Variants in SYT14 observed in about 807,000 individuals in gnomAD.
SYT14 encodes synaptotagmin-14.
Under a neutral mutation model 74.2 loss-of-function variants are expected in SYT14, and 32 were observed. The observed-to-expected ratio is 0.43, with a 90% CI of 0.33 to 0.58. The LOEUF (loss-of-function observed/expected upper bound fraction) is 0.58. Among genes scored for constraint, SYT14 ranks in the 20% least tolerant of loss-of-function variants. The probability of loss-of-function intolerance (pLI) is 0.05; values close to 1 mark genes in which losing one functional copy is unlikely to be tolerated. For synonymous variants in SYT14, 298 were observed against 337.7 expected, an observed-to-expected ratio of 0.88 and a Z score of 1.29; for missense variants, 791 against 981.8, an observed-to-expected ratio of 0.81 and a Z score of 2.60.
chr1:209,983,852 C>T (rs993429554), intron 2 of SYT14, among the ~76,000 whole-genome samples: 1 of 152,180 alleles, frequency 6.6e-6, no homozygotes, highest in Non-Finnish European at 1.5e-5. Context: ...TTGTCCTACT[C>T]CTCAGGGATT....
intron 5 of SYT14, among the ~76,000 whole-genome samples, chr1:210,058,119 T>G (rs1345212557): frequency 6.6e-6 from 1 of 152,192 alleles, no homozygotes; most frequent in African/African-American, 2.4e-5. Flanking sequence ...GACCGAAAGC[T>G]GGAATAAAGA....
exon 4 of SYT14, chr1:210,015,801 T>C (rs1363159637): frequency 1.3e-5 from 14 of 1,057,548 alleles, no homozygotes; most frequent in Non-Finnish European, 1.4e-5. Flanking sequence ...GATTTTTTTT[T>C]TCCGGAAGAA....
intron 2 of SYT14, chr1:209,953,096 G>A (rs1201513593): frequency 7.6e-7 from 1 of 1,313,430 alleles, no homozygotes; most frequent in Non-Finnish European, 9.9e-7. Context: ...ATTGACTTCT[G>A]TTCTATTACT....
In SYT14 at chr1:209,978,022, T is replaced by A. The variant is rs576855570; in HGVS notation, c.-486+25266T>A. Among the ~76,000 whole-genome samples the A allele has an allele frequency of 2.6e-5, 4 of 152,364 alleles. No homozygotes were observed. The South Asian group carries it at 8.3e-4, about 32-fold the overall frequency. ...TCAGCTCTTGAGTCTTGTGCATTCG[T>A]CACGTAGTTCTCGTGCCTTGGTTTT... is the stretch of plus-strand genomic sequence containing the variant. On this transcript the variant is annotated intron_variant, in intron 2 of 9. Transcript: ENST00000637265.
chr1:210,102,216 C>T (rs1164213358), intron 7 of SYT14, among the ~76,000 whole-genome samples: 1 of 151,978 alleles, frequency 6.6e-6, no homozygotes, highest in Admixed American at 6.6e-5. Flanking sequence ...AAGCCCAGGA[C>T]CTAATAGTTA....
chr1:210,120,105 TG>T (rs1320285725), intron 7 of SYT14, among the ~76,000 whole-genome samples: 2 of 152,008 alleles, frequency 1.3e-5, no homozygotes, highest in East Asian at 1.9e-4. Context: ...CAGTCACTTT[TG>T]GGGCAACTAA....
At position 210,000,466 on chromosome 1, in the gene SYT14, G is replaced by GCGCACACACACACACACA. The variant is rs1553264180; in HGVS notation, c.-485-13166_-485-13165insGCACACACACACACACAC. On this transcript the variant is annotated intron_variant, in intron 2 of 9. Transcript: ENST00000637265. ...TTATTTTAGTCCTTTGTCCTCATAC[G>GCGCACACACACACACACA]CACACACACACACACACACACACAC... Among the ~76,000 whole-genome samples, 205 of 143,194 alleles carry GCGCACACACACACACACA rather than the reference G, an allele frequency of 1.4e-3. 1 individual carries two copies. The highest frequency in any genetic ancestry group is 5.0e-3 in the African/African-American group (191 of 37,852). The allele number at this position is 143,194 out of a possible 152,430, so 93.9% of individuals were successfully genotyped here. A position where few individuals can be genotyped will look rare whatever the true frequency, so the allele number is the denominator to read the frequency against.
intron 2 of SYT14, among the ~76,000 whole-genome samples, chr1:209,998,413 A>T (rs1445042345): frequency 6.6e-6 from 1 of 152,096 alleles, no homozygotes; most frequent in African/African-American, 2.4e-5. Context: ...CCCTGTCAGA[A>T]TATCAATGTC....
exon 10 of SYT14, chr1:210,161,324 AT>A (rs1215299143): frequency 3.7e-6 from 1 of 272,770 alleles, no homozygotes; most frequent in Admixed American, 4.1e-5. Context: ...TTTGAAGTTA[AT>A]TTTAATTTAG....
chr1:209,974,852 T>C (rs1360131981), intron 2 of SYT14, among the ~76,000 whole-genome samples: 1 of 152,222 alleles, frequency 6.6e-6, no homozygotes, highest in African/African-American at 2.4e-5. Flanking sequence ...GAGCATGGAA[T>C]GTTCTTCCGT....
chr1:209,977,491 C>T (rs1326064365), intron 2 of SYT14, among the ~76,000 whole-genome samples: 1 of 152,138 alleles, frequency 6.6e-6, no homozygotes, highest in African/African-American at 2.4e-5. Context: ...ATATGAAATT[C>T]TGGGTTGAAA....
rs192099383 is a variant in SYT14 at position 210,087,809 on chromosome 1, T to C, written c.1313-6513T>C. Among the ~76,000 whole-genome samples, 8 of 152,282 alleles carry C rather than the reference T, an allele frequency of 5.3e-5. No individual in the cohort carries two copies. In the East Asian group the frequency reaches 1.6e-3, roughly 30 times the overall value. On this transcript the variant is annotated intron_variant, in intron 5 of 9. Transcript: ENST00000637265. Reference sequence around the variant, plus strand: ...CACACTGGGCTGGACATCTTCCCCCTTGGGCTCTAATGTGGCTCTGCACCG... The same window carrying C: ...CACACTGGGCTGGACATCTTCCCCCCTGGGCTCTAATGTGGCTCTGCACCG...
chr1:209,953,043 G>C, intron 2 of SYT14: 1 of 1,377,494 alleles, frequency 7.3e-7, no homozygotes, highest in South Asian at 1.2e-5. Context: ...TTTGATTTTT[G>C]TTCCCTTTCA....
At chr1:210,018,957 G>A (rs1247582301) in intron 4 of SYT14, among the ~76,000 whole-genome samples, 1 of 151,826 alleles carries the variant, frequency 6.6e-6, no homozygotes, top group Non-Finnish European at 1.5e-5. Flanking sequence ...CCAACATGGT[G>A]AAACCCCGTC....
At chr1:209,943,685 TATA>T (rs1290451069) in intron 1 of SYT14, among the ~76,000 whole-genome samples, 1 of 152,124 alleles carries the variant, frequency 6.6e-6, no homozygotes, top group Non-Finnish European at 1.5e-5. Flanking sequence ...TGTGTGGTAG[TATA>T]ATAGATTGTT....
intron 2 of SYT14, among the ~76,000 whole-genome samples, chr1:209,971,153 A>G (rs183672533): frequency 6.6e-6 from 1 of 152,260 alleles, no homozygotes; most frequent in African/African-American, 2.4e-5. Context: ...GGCTATTATG[A>G]AAGAGATTGT....
exon 10 of SYT14, chr1:210,169,438 C>G (rs1441794700): frequency 6.6e-6 from 1 of 151,620 alleles, no homozygotes; most frequent in Non-Finnish European, 1.5e-5. Context: ...CATATTTAAA[C>G]AGTTGTTTGA....
At chr1:209,941,291 A>G (rs533288899) in intron 1 of SYT14, among the ~76,000 whole-genome samples, 113 of 152,358 alleles carry the variant, frequency 7.4e-4, no homozygotes, top group South Asian at 5.2e-3. Flanking sequence ...TGGAGCTAAC[A>G]TAATTCCAGT....
At chr1:209,941,396 C>G (rs919922566) in intron 1 of SYT14, among the ~76,000 whole-genome samples, 2 of 152,122 alleles carry the variant, frequency 1.3e-5, no homozygotes, top group Non-Finnish European at 2.9e-5. Flanking sequence ...TACTGTTGGC[C>G]CAGTGATCTG....
Sources: allele counts gnomAD v4.1 joint callset (sites outside exome capture counted in the v4.1 genomes callset), GRCh38; gene constraint gnomAD v4.1.1; transcripts MANE v1.5; gene names NCBI Gene and HGNC (gene_info 2026-07-23, HGNC 2026-07-21).